PTPN22: variants seen among roughly 807,000 people sequenced by gnomAD.
The protein encoded by PTPN22 is protein tyrosine phosphatase non-receptor type 22, also known as tyrosine-protein phosphatase non-receptor type 22.
In PTPN22, 85 loss-of-function variants were observed where a neutral mutation model predicts 103.3. That is an observed-to-expected ratio of 0.82 (90% CI 0.69 to 0.99). PTPN22 has a LOEUF of 0.99. PTPN22 is among the 50% of genes least tolerant of loss of function. The pLI is 0.00. For synonymous variants in PTPN22, 323 were observed against 310.2 expected, an observed-to-expected ratio of 1.04 and a Z score of -0.43; for missense variants, 865 against 936.9, an observed-to-expected ratio of 0.92 and a Z score of 1.00.
intron 19 of PTPN22, among the ~76,000 whole-genome samples, chr1:113,820,982 T>TATACTTAATATATTAAA (rs1312249686): frequency 1.2e-4 from 18 of 150,468 alleles, no homozygotes; most frequent in African/African-American, 4.4e-4. Context: ...GTATAATTAT[T>TATACTTAATATATTAAA]ATACTTAATA....
chr1:113,869,101 AGCTACTTGGGAG>A (rs1474487688), intron 1 of PTPN22, among the ~76,000 whole-genome samples: 1 of 152,136 alleles, frequency 6.6e-6, no homozygotes, highest in Non-Finnish European at 1.5e-5. Flanking sequence ...CTGTAATCCC[AGCTACTTGGGAG>A]GCTGAGGCAG....
intron 1 of PTPN22, among the ~76,000 whole-genome samples, chr1:113,861,056 T>C (rs1179687683): frequency 6.6e-6 from 1 of 151,860 alleles, no homozygotes; most frequent in Non-Finnish European, 1.5e-5. Context: ...ACTCCTTTCC[T>C]CCCCCTCGAG....
chr1:113,827,429 T>C (rs1465837745), intron 18 of PTPN22, among the ~76,000 whole-genome samples: 5 of 152,108 alleles, frequency 3.3e-5, no homozygotes, highest in African/African-American at 1.2e-4. Flanking sequence ...TAAATACACA[T>C]ATGTATCATA....
At chr1:113,832,954 CA>C (rs1211029995) in intron 16 of PTPN22, 156 bp downstream of exon 16, 1 of 697,688 alleles carries the variant, frequency 1.4e-6, no homozygotes, top group Non-Finnish European at 2.3e-6. Context: ...TTGCTCTTTA[CA>C]AAATTTCTAG....
At chr1:113,823,137 C>T (rs760337623) in intron 19 of PTPN22, 1 of 149,816 alleles carries the variant, frequency 6.7e-6, no homozygotes, top group Non-Finnish European at 1.5e-5. Context: ...GAACCCCTCA[C>T]CAAACTTACA....
At chr1:113,854,936 A>C in exon 8 of PTPN22, 1 of 1,613,412 alleles carries the variant, frequency 6.2e-7, no homozygotes, top group Non-Finnish European at 8.5e-7. Flanking sequence ...GAACACTGTC[A>C]TCCTCTTGGT....
intron 11 of PTPN22, among the ~76,000 whole-genome samples, chr1:113,847,945 G>A (rs1664241824): frequency 6.6e-6 from 1 of 151,920 alleles, no homozygotes; most frequent in African/African-American, 2.4e-5. Flanking sequence ...ATGTTGCTGA[G>A]GCTGCTCTCA....
At chr1:113,854,353 A>C (rs1343120747) in intron 9 of PTPN22, 118 bp downstream of exon 9, 1 of 992,660 alleles carries the variant, frequency 1.0e-6, no homozygotes, top group African/African-American at 1.6e-5. Context: ...GTGGGTCTAC[A>C]AGTACATTTT....
chr1:113,829,769 C>G, intron 17 of PTPN22, 62 bp from the exon 18 acceptor site: 1 of 1,284,272 alleles, frequency 7.8e-7, no homozygotes, highest in Non-Finnish European at 1.1e-6. Context: ...CTTCATGTTA[C>G]ATATAATAAA....
chr1:113,838,693 C>T (rs1023101746), intron 11 of PTPN22, 73 bp from the exon 12 acceptor site: 4 of 1,515,612 alleles, frequency 2.6e-6, no homozygotes, highest in Non-Finnish European at 3.5e-6. Flanking sequence ...ATTTAGAAGG[C>T]TGAAAAGTAA....
chr1:113,851,088 G>C (rs757519733), intron 10 of PTPN22, among the ~76,000 whole-genome samples: 3 of 152,144 alleles, frequency 2.0e-5, no homozygotes, highest in Non-Finnish European at 2.9e-5. Context: ...ATTCCTAATG[G>C]AGTGAACAAG....
chr1:113,821,626 A>G (rs967333740), intron 19 of PTPN22, among the ~76,000 whole-genome samples: 3 of 152,164 alleles, frequency 2.0e-5, no homozygotes, highest in African/African-American at 7.2e-5. Context: ...CTGGCCTATC[A>G]TGGATATATT....
At chr1:113,830,723 G>C (rs1256891398) in intron 16 of PTPN22, among the ~76,000 whole-genome samples, 4 of 152,132 alleles carry the variant, frequency 2.6e-5, no homozygotes, top group African/African-American at 9.6e-5. Context: ...TTTCCATGAT[G>C]AAGATTTTCA....
At chr1:113,854,499 T>C (rs1558047669) in exon 9 of PTPN22, 1 of 1,613,978 alleles carries the variant, frequency 6.2e-7, no homozygotes. Context: ...CCATGTATAA[T>C]CAATAGCACA....
intron 1 of PTPN22, chr1:113,864,395 A>C (rs1457365971): frequency 4.8e-6 from 1 of 210,250 alleles, no homozygotes; most frequent in African/African-American, 3.8e-5. Flanking sequence ...GTCTCCAGAA[A>C]AAAAAAAAAA....
At chr1:113,835,368 A>G (rs1358955269) in intron 13 of PTPN22, among the ~76,000 whole-genome samples, 1 of 151,952 alleles carries the variant, frequency 6.6e-6, no homozygotes, top group Non-Finnish European at 1.5e-5. Flanking sequence ...AACACAAAAC[A>G]TTAGCCGGGC....
exon 21 of PTPN22, chr1:113,814,064 A>G (rs553408850): frequency 1.3e-5 from 2 of 152,328 alleles, no homozygotes; most frequent in African/African-American, 4.8e-5. Flanking sequence ...TTTATTTACT[A>G]CATAAAATTA....
intron 20 of PTPN22, among the ~76,000 whole-genome samples, chr1:113,817,142 C>A (rs529973915): frequency 6.6e-6 from 1 of 152,096 alleles, no homozygotes; most frequent in South Asian, 2.1e-4. Flanking sequence ...GTTTCACACA[C>A]AATAGTCAGA....
chr1:113,848,503 A>C lies in PTPN22; in HGVS notation c.915+37T>G, dbSNP rs3827734. 365 of 1,608,454 alleles carry C rather than the reference A, an allele frequency of 2.3e-4. 2 individuals carry two copies. The East Asian group carries it at 7.0e-3, about 31-fold the overall frequency. ...CATCCCTTGACCAAAAGCAAGTATG[A>C]AAATTTTTTTGACATAATATCTAGT... On this transcript the variant is annotated intron_variant, in intron 11 of 20. Coordinates refer to ENST00000359785, the Ensembl canonical transcript of PTPN22.
Sources: allele counts gnomAD v4.1 joint callset (sites outside exome capture counted in the v4.1 genomes callset), GRCh38; gene constraint gnomAD v4.1.1; transcripts MANE v1.5; gene names NCBI Gene and HGNC (gene_info 2026-07-23, HGNC 2026-07-21).